Variants in SLC41A2 observed in about 807,000 individuals in gnomAD.
SLC41A2 encodes the protein solute carrier family 41 member 2.
In SLC41A2, 32 loss-of-function variants were observed where a neutral mutation model predicts 58.3. The ratio of observed to expected loss-of-function variants is 0.55; its 90% confidence interval spans 0.41 to 0.74. The LOEUF is 0.74. Among genes scored for constraint, SLC41A2 ranks in the 30% least tolerant of loss-of-function variants. The pLI, the probability that SLC41A2 is intolerant of heterozygous loss-of-function variation, is 0.00. For missense variants in SLC41A2, 514 were observed against 680.6 expected (o/e 0.76, Z 2.72); for synonymous variants, 190 against 235.0 (o/e 0.81, Z 1.75).
At chr12:104,906,211 T>C (rs2045842879) in intron 3 of SLC41A2, among the ~76,000 whole-genome samples, 1 of 152,216 alleles carries the variant, frequency 6.6e-6, no homozygotes, top group African/African-American at 2.4e-5. Flanking sequence ...ATGTCACCAT[T>C]ATATAAGGAA....
chr12:104,839,475 C>T (rs2136310354), intron 10 of SLC41A2, among the ~76,000 whole-genome samples: 1 of 150,342 alleles, frequency 6.7e-6, no homozygotes, highest in South Asian at 2.1e-4. Context: ...TAATTATAGT[C>T]TTTTTTTCTC....
Position 104,928,390 on chromosome 12 carries a change from A to T in SLC41A2, c.138T>A (p.Val46=). Residue 46 remains valine, a synonymous_variant, in exon 2 of 11, where the codon GTT becomes GTA. Coordinates refer to ENST00000258538, the MANE Select transcript of SLC41A2 (RefSeq NM_001352171.3). The stretch of plus-strand genomic sequence containing the variant: ...CTTGGTTTTTCTGGTAAATCACTGG[A>T]ACCATACTCAAGAGTAAATTTAAAA... ...DKFLNLLLSM[V]PVIYQKNQED... The T allele has an allele frequency of 6.3e-7, 1 of 1,575,604 alleles. No individual in the cohort carries two copies. Among genetic ancestry groups the T allele is most frequent in the Non-Finnish European group, 8.6e-7 (1 of 1,158,500 alleles).
In SLC41A2 at chr12:104,952,234, C is replaced by T. The variant is rs1254040633; in HGVS notation, c.-168+5854G>A. On this transcript the variant is annotated intron_variant, in intron 1 of 10. Transcript: ENST00000258538. Reference sequence around the variant, plus strand: ...ATTAAAGGTATTTAGACTCTATCAACGAAGATTTGCTTAGTCTCTATTGTG... The same window carrying T: ...ATTAAAGGTATTTAGACTCTATCAATGAAGATTTGCTTAGTCTCTATTGTG... Among the ~76,000 whole-genome samples the T allele has an allele frequency of 3.3e-5, 5 of 152,152 alleles. No homozygotes were observed. In the East Asian group the frequency reaches 5.8e-4, roughly 18 times the overall value.
At chr12:104,842,195 C>T (rs2042435318) in intron 10 of SLC41A2, among the ~76,000 whole-genome samples, 1 of 151,984 alleles carries the variant, frequency 6.6e-6, no homozygotes, top group Admixed American at 6.6e-5. Flanking sequence ...TGGGGAAGGT[C>T]AAGATCTTTT....
At chr12:104,901,016 CAA>C (rs1371758628) in intron 3 of SLC41A2, among the ~76,000 whole-genome samples, 1 of 152,036 alleles carries the variant, frequency 6.6e-6, no homozygotes, top group East Asian at 1.9e-4. Flanking sequence ...AGTAAGGGCT[CAA>C]AAATATTTTT....
At chr12:104,913,219 A>C (rs7959777) in intron 2 of SLC41A2, among the ~76,000 whole-genome samples, 76,755 of 151,952 alleles carry the variant, frequency 0.51, 19,764 homozygotes, top group Middle Eastern at 0.56. Context: ...CCCCAAAACC[A>C]ACTGAAAGAA....
intron 8 of SLC41A2, chr12:104,851,897 C>T (rs1404861540): frequency 2.0e-5 from 3 of 152,110 alleles, no homozygotes; most frequent in Non-Finnish European, 4.4e-5. Context: ...TGACTATCCA[C>T]TGCTAAACTC....
At chr12:104,934,741 C>T (rs2047194979) in intron 1 of SLC41A2, among the ~76,000 whole-genome samples, 1 of 152,066 alleles carries the variant, frequency 6.6e-6, no homozygotes, top group African/African-American at 2.4e-5. Flanking sequence ...ACAACATGGA[C>T]GGAACCGGAG....
intron 8 of SLC41A2, among the ~76,000 whole-genome samples, chr12:104,857,160 A>C (rs2043048285): frequency 6.6e-6 from 1 of 152,198 alleles, no homozygotes; most frequent in Non-Finnish European, 1.5e-5. Context: ...TAAGCTTCTT[A>C]TCCTATATGT....
intron 4 of SLC41A2, among the ~76,000 whole-genome samples, chr12:104,894,384 T>C (rs974627885): frequency 6.6e-6 from 1 of 151,594 alleles, no homozygotes; most frequent in African/African-American, 2.4e-5. Flanking sequence ...GAAAAATGTA[T>C]TTCAAAGAAA....
chr12:104,885,857 T>A (rs191392945), intron 6 of SLC41A2, among the ~76,000 whole-genome samples: 5 of 152,102 alleles, frequency 3.3e-5, no homozygotes, highest in Non-Finnish European at 7.4e-5. Flanking sequence ...AAACATTCCA[T>A]TGGTAAATTT....
chr12:104,897,454 A>C (rs2045347202), intron 3 of SLC41A2, among the ~76,000 whole-genome samples: 1 of 151,734 alleles, frequency 6.6e-6, no homozygotes, highest in South Asian at 2.1e-4. Flanking sequence ...GTCACTTTTC[A>C]ATTAATCAGT....
At chr12:104,932,091 A>C (rs528034134) in intron 1 of SLC41A2, among the ~76,000 whole-genome samples, 1 of 152,268 alleles carries the variant, frequency 6.6e-6, no homozygotes, top group South Asian at 2.1e-4. Flanking sequence ...GCCTTTTAAA[A>C]TTTTATCCTT....
chr12:104,918,057 A>C (rs2046410866), intron 2 of SLC41A2, among the ~76,000 whole-genome samples: 1 of 150,470 alleles, frequency 6.6e-6, no homozygotes, highest in African/African-American at 2.4e-5. Context: ...TGACAAAATG[A>C]CCAACTTCAA....
intron 3 of SLC41A2, among the ~76,000 whole-genome samples, chr12:104,903,345 T>G (rs2045649451): frequency 6.6e-6 from 1 of 152,214 alleles, no homozygotes; most frequent in South Asian, 2.1e-4. Context: ...ACTAGGCAAA[T>G]CCGTACATAA....
chr12:104,933,438 A>G (rs1473154568), intron 1 of SLC41A2, among the ~76,000 whole-genome samples: 1 of 152,226 alleles, frequency 6.6e-6, no homozygotes. Context: ...GTGGGAATGT[A>G]AATTTGTACA....
At chr12:104,817,915 A>T (rs2468097) in intron 10 of SLC41A2, among the ~76,000 whole-genome samples, 1 of 151,864 alleles carries the variant, frequency 6.6e-6, no homozygotes, top group South Asian at 2.1e-4. Context: ...GTGGTCTGTT[A>T]TTGACCAAAA....
chr12:104,950,806 A>C (rs565903388), intron 1 of SLC41A2, among the ~76,000 whole-genome samples: 31 of 152,256 alleles, frequency 2.0e-4, no homozygotes, highest in African/African-American at 7.5e-4. Flanking sequence ...CATATTACCC[A>C]ACTTGAGAAG....
intron 8 of SLC41A2, among the ~76,000 whole-genome samples, chr12:104,856,707 T>A (rs2047128): frequency 0.087 from 13,301 of 152,200 alleles, 630 homozygotes; most frequent in South Asian, 0.11. Flanking sequence ...TAGTCAGTCC[T>A]GGGCAAAAGA....
Sources: gnomAD v4.1 joint callset for allele counts (sites outside exome capture counted in the v4.1 genomes callset) on GRCh38, gnomAD v4.1.1 for gene constraint, MANE v1.5 for transcripts, NCBI Gene and HGNC (gene_info 2026-07-23, HGNC 2026-07-21) for gene names.